The following NBAS variants were observed in gnomAD, a reference collection of about 807,000 sequenced individuals.
NBAS encodes NAG/BC035112 fusion.
In NBAS, 219 loss-of-function variants were observed where a neutral mutation model predicts 302.5. That is an observed-to-expected ratio of 0.72 (90% CI 0.65 to 0.81). The LOEUF is 0.81. NBAS is among the 30% of genes least tolerant of loss of function. NBAS has a pLI of 0.00. For missense variants in NBAS, 2,932 were observed against 2,841.6 expected (o/e 1.03, Z -0.72); for synonymous variants, 1,118 against 1,021.6 (o/e 1.09, Z -1.80).
chr2:15,240,446 CAAAAAAAAAAAAAA>C (rs1175235771), intron 44 of NBAS, among the ~76,000 whole-genome samples: 1 of 75,352 alleles, frequency 1.3e-5, no homozygotes, highest in African/African-American at 4.6e-5. Context: ...ACTAAAAATA[CAAAAAAAAAAAAAA>C]AAAAAAATTA....
Position 15,182,683 on chromosome 2 carries a change from A to T in NBAS, c.6712-3567T>A, listed in dbSNP as rs533757203. Among the ~76,000 whole-genome samples, 17 of 152,314 alleles carry T rather than the reference A, an allele frequency of 1.1e-4. No homozygotes were observed. The South Asian group carries it at 2.5e-3, about 22-fold the overall frequency. On this transcript the variant is annotated intron_variant, in intron 50 of 51. Transcript: ENST00000281513. ...ACTGTTTATGCCAATTTCTTATTCTACCTATTCCCAAGTCTTGAGAGGGCT... is the reference window on the plus strand; with the variant it reads ...ACTGTTTATGCCAATTTCTTATTCTTCCTATTCCCAAGTCTTGAGAGGGCT...
chr2:15,063,534 C>G, the NBAS span, among the ~76,000 whole-genome samples: 76,649 of 151,978 alleles, frequency 0.5, 21,565 homozygotes, highest in Non-Finnish European at 0.62. Flanking sequence ...ATTGTTTCCC[C>G]TTTCCCAAAA....
rs140942676 is a variant in NBAS at position 15,205,676 on chromosome 2, C to T, written c.6432+13097G>A. On this transcript the variant is annotated intron_variant, in intron 48 of 51. Transcript: ENST00000281513. ...TAATCCCCACATTTTAGGGGAATGG[C>T]CTGGTGGGAGGTGACTGAGTCATGG... 1.9e-3 allele frequency among the ~76,000 whole-genome samples: 283 copies of T among 152,210 alleles called. 1 individual carries two copies. Among genetic ancestry groups the T allele is most frequent in the African/African-American group, 6.7e-3 (277 of 41,540 alleles).
At chr2:15,254,888 A>C (rs527247068) in intron 44 of NBAS, among the ~76,000 whole-genome samples, 53 of 151,950 alleles carry the variant, frequency 3.5e-4, no homozygotes, top group African/African-American at 1.3e-3. Context: ...TTTATGGCTG[A>C]GTAGTGTTCC....
Position 15,394,271 on chromosome 2 carries a change from C to G in NBAS, c.3213G>C (p.Glu1071Asp), listed in dbSNP as rs1253857538. 1 of 1,612,764 alleles carries G rather than the reference C, an allele frequency of 6.2e-7. No homozygotes were observed. Among genetic ancestry groups the G allele is most frequent in the Non-Finnish European group, 8.5e-7 (1 of 1,179,276 alleles). ...FVKNTQSSSEEARKLMVRLTR... is the reference protein window; with the variant it reads ...FVKNTQSSSEDARKLMVRLTR... ...TCAATCTAACCATCAGCTTGCGTGC[C>G]TCTTCTGAGCTAGATTGAGTGTTTT... is the stretch of plus-strand genomic sequence containing the variant. The change falls in exon 28 of 52, where the codon GAG becomes GAC. Residue 1071 changes from glutamate (E) to aspartate (D), a missense_variant. Glu to Asp is a conservative substitution (Grantham distance 45, BLOSUM62 2). Transcript: ENST00000281513.
intron 51 of NBAS, among the ~76,000 whole-genome samples, chr2:15,176,278 T>A (rs1264799857): frequency 6.6e-6 from 1 of 152,234 alleles, no homozygotes; most frequent in Admixed American, 6.5e-5. Context: ...ATTTTATTTA[T>A]GTAGCATTTT....
intron 35 of NBAS, among the ~76,000 whole-genome samples, chr2:15,337,766 C>G (rs1362739905): frequency 6.6e-6 from 1 of 152,048 alleles, no homozygotes; most frequent in Non-Finnish European, 1.5e-5. Flanking sequence ...GGGCAGTCTA[C>G]CAAGATCATA....
At chr2:15,055,711 T>C in the NBAS span, among the ~76,000 whole-genome samples, 3 of 152,182 alleles carry the variant, frequency 2.0e-5, no homozygotes, top group African/African-American at 4.8e-5. Flanking sequence ...TGTTTACACA[T>C]AGGGAGAGGA....
intron 51 of NBAS, among the ~76,000 whole-genome samples, chr2:15,177,251 G>A (rs531967829): frequency 1.3e-5 from 2 of 152,290 alleles, no homozygotes; most frequent in South Asian, 2.1e-4. Context: ...CACATCTAAC[G>A]TGCAGATCAA....
intron 40 of NBAS, among the ~76,000 whole-genome samples, chr2:15,302,272 C>T (rs1264241491): frequency 6.6e-6 from 1 of 152,212 alleles, no homozygotes; most frequent in East Asian, 1.9e-4. Context: ...TTTAGACCTA[C>T]AATCGGATGC....
chr2:15,155,419 C>T, the NBAS span, among the ~76,000 whole-genome samples: 1 of 152,072 alleles, frequency 6.6e-6, no homozygotes, highest in African/African-American at 2.4e-5. Context: ...AAGGAGAGTG[C>T]AAAGCACTTA....
chr2:15,477,251 A>G (rs1558375429), intron 13 of NBAS, among the ~76,000 whole-genome samples: 3 of 152,108 alleles, frequency 2.0e-5, no homozygotes, highest in African/African-American at 7.2e-5. Context: ...AATCTTCTTT[A>G]AATGTGAACT....
At chr2:15,482,199 C>T (rs1426119043) in intron 12 of NBAS, among the ~76,000 whole-genome samples, 2 of 152,156 alleles carry the variant, frequency 1.3e-5, no homozygotes, top group Admixed American at 6.5e-5. Flanking sequence ...GGCGTGGTCA[C>T]GGCTCACTAC....
At chr2:14,788,255 C>T in the NBAS span, among the ~76,000 whole-genome samples, 2 of 152,086 alleles carry the variant, frequency 1.3e-5, no homozygotes, top group East Asian at 1.9e-4. Flanking sequence ...ACCTTCTTTG[C>T]CTTTGGTTTG....
At chr2:15,257,209 T>A (rs367607533) in intron 44 of NBAS, among the ~76,000 whole-genome samples, 1 of 152,216 alleles carries the variant, frequency 6.6e-6, no homozygotes, top group Admixed American at 6.5e-5. Context: ...TAAAAATTAC[T>A]GTATCAGTCT....
chr2:14,839,248 T>C, the NBAS span, among the ~76,000 whole-genome samples: 1 of 151,934 alleles, frequency 6.6e-6, no homozygotes, highest in Non-Finnish European at 1.5e-5. Flanking sequence ...TCCATATCCA[T>C]GATGCCCCTC....
the NBAS span, among the ~76,000 whole-genome samples, chr2:14,929,559 G>A: frequency 6.6e-6 from 1 of 152,200 alleles, no homozygotes; most frequent in South Asian, 2.1e-4. Flanking sequence ...TGTATTTTTA[G>A]TAGATACAGG....
intron 45 of NBAS, 72 bp downstream of exon 45, chr2:15,238,396 A>T (rs1202766985): frequency 1.4e-6 from 2 of 1,472,988 alleles, no homozygotes; most frequent in Non-Finnish European, 1.9e-6. Flanking sequence ...AAAACGACTA[A>T]TGTAACTTTC....
chr2:14,839,538 A>G, the NBAS span, among the ~76,000 whole-genome samples: 1 of 152,120 alleles, frequency 6.6e-6, no homozygotes, highest in Non-Finnish European at 1.5e-5. Flanking sequence ...AAATCAGAGT[A>G]GCAGTTCAGT....
Sources: allele counts gnomAD v4.1 joint callset (sites outside exome capture counted in the v4.1 genomes callset), GRCh38; gene constraint gnomAD v4.1.1; transcripts MANE v1.5; gene names NCBI Gene and HGNC (gene_info 2026-07-23, HGNC 2026-07-21).